CCDC77: variants seen among roughly 807,000 people sequenced by gnomAD.
CCDC77 encodes the protein coiled-coil domain containing 77.
A neutral mutation model predicts 66.8 loss-of-function variants in CCDC77; 56 were observed. That is an observed-to-expected ratio of 0.84 (90% CI 0.68 to 1.05). The LOEUF is 1.05. Ranked by LOEUF, CCDC77 falls within the 50% of genes least tolerant of loss-of-function variation. The probability of loss-of-function intolerance (pLI) is 0.00; values close to 1 mark genes in which losing one functional copy is unlikely to be tolerated. For synonymous variants in CCDC77, 196 were observed against 195.2 expected (o/e 1.00, Z -0.03); for missense variants, 570 against 576.8 (o/e 0.99, Z 0.12).
At chr12:396,083 T>A (rs1042967861) in intron 1 of CCDC77, among the ~76,000 whole-genome samples, 1 of 151,940 alleles carries the variant, frequency 6.6e-6, no homozygotes. Context: ...ATAAATACAT[T>A]TTGAAATTTA....
intron 4 of CCDC77, among the ~76,000 whole-genome samples, chr12:417,845 T>G (rs1945317088): frequency 6.6e-6 from 1 of 151,810 alleles, no homozygotes; most frequent in African/African-American, 2.4e-5. Context: ...GAGGTTGCAG[T>G]GAGCTAAGAT....
chr12:441,835 A>G lies in CCDC77; in HGVS notation c.1382A>G (p.Asn461Ser), dbSNP rs754612464. Residue 461 changes from asparagine to serine, a missense_variant, in exon 13 of 13, where the codon AAT (asparagine) becomes AGT (serine). By Grantham distance (46) the Asn-to-Ser change is conservative. Transcript: ENST00000239830. ...LALLCEVRDSNRRAHKIQGEL... is the reference protein window; with the variant it reads ...LALLCEVRDSSRRAHKIQGEL... ...CTTCTGTGTGAGGTCCGTGACAGCA[A>G]TAGACGGGCACATAAGATACAAGGA... 9 of 1,613,750 alleles carry G rather than the reference A, an allele frequency of 5.6e-6. 1 individual carries two copies. In the South Asian group the frequency reaches 9.9e-5, roughly 18 times the overall value.
upstream of CCDC77, among the ~76,000 whole-genome samples, chr12:398,729 G>A (rs2137526537): frequency 6.6e-6 from 1 of 150,438 alleles, no homozygotes; most frequent in Non-Finnish European, 1.5e-5. Flanking sequence ...AGTCACAAAT[G>A]TTCTTTTTAA....
At chr12:415,399 C>T (rs149502822) in intron 4 of CCDC77, among the ~76,000 whole-genome samples, 2,107 of 69,120 alleles carry the variant, frequency 0.03, 292 homozygotes, top group African/African-American at 0.09. Flanking sequence ...TTAATATAAT[C>T]AACATAATAT....
intron 5 of CCDC77, among the ~76,000 whole-genome samples, chr12:426,282 G>A (rs1945530301): frequency 6.6e-6 from 1 of 152,190 alleles, no homozygotes; most frequent in Non-Finnish European, 1.5e-5. Context: ...CTTTTGAGGG[G>A]TAGGAAAGAA....
In CCDC77 at chr12:441,859, G is replaced by A; in HGVS notation, c.1406G>A (p.Gly469Glu). 1 of 1,613,876 alleles carries A rather than the reference G, an allele frequency of 6.2e-7. No homozygotes were observed. The highest frequency in any genetic ancestry group is 8.5e-7 in the Non-Finnish European group (1 of 1,179,990). ...DSNRRAHKIQGELKNLKSKVF... is the reference protein window; with the variant it reads ...DSNRRAHKIQEELKNLKSKVF... ...AATAGACGGGCACATAAGATACAAG[G>A]AGAACTGAAGAATCTTAAGTCGAAA... The change falls in exon 13 of 13, where the codon GGA becomes GAA. Residue 469 changes from glycine (G) to glutamate (E), a missense_variant. Physicochemically the swap from Gly to Glu is moderately conservative, Grantham distance 98. Coordinates refer to ENST00000239830, the MANE Select transcript of CCDC77 (RefSeq NM_032358.4).
chr12:409,517 C>T, intron 3 of CCDC77, 96 bp downstream of exon 3: 1 of 1,217,872 alleles, frequency 8.2e-7, no homozygotes, highest in South Asian at 1.3e-5. Flanking sequence ...AAACATATTT[C>T]CTAAAGTTTT....
chr12:433,259 A>C lies in CCDC77; in HGVS notation c.758A>C (p.His253Pro). 1.2e-6 allele frequency: 2 copies of C among 1,614,098 alleles called. No individual in the cohort carries two copies. Among genetic ancestry groups the C allele is most frequent in the Non-Finnish European group, 1.7e-6 (2 of 1,180,022 alleles). ...GGGCTCATCGAGGACAGACGGATTC[A>C]CCTTGAGGAAATACAAGTTCAGCAC... Reference protein sequence around the residue: ...IEGLIEDRRIHLEEIQVQHQR... With the variant: ...IEGLIEDRRIPLEEIQVQHQR... The change falls in exon 9 of 13, where the codon CAC becomes CCC. Residue 253 changes from histidine to proline, a missense_variant. Coordinates refer to ENST00000239830, the MANE Select transcript of CCDC77 (RefSeq NM_032358.4).
chr12:430,944 G>A (rs11062943), intron 7 of CCDC77, among the ~76,000 whole-genome samples: 47,968 of 151,716 alleles, frequency 0.32, 9,545 homozygotes, highest in Non-Finnish European at 0.45. Context: ...GCCGGGTGTG[G>A]TGGCAGGCGC....
chr12:419,254 G>C (rs917286967), intron 5 of CCDC77, among the ~76,000 whole-genome samples: 1 of 152,202 alleles, frequency 6.6e-6, no homozygotes, highest in Non-Finnish European at 1.5e-5. Flanking sequence ...AGAATTTTGT[G>C]TCCCCACATT....
At chr12:441,060 G>C (rs1165754424) in intron 12 of CCDC77, 64 bp downstream of exon 12, 1 of 1,533,134 alleles carries the variant, frequency 6.5e-7, no homozygotes, top group Non-Finnish European at 8.9e-7. Flanking sequence ...ACATGGTCAC[G>C]AGGGCCCCTG....
chr12:418,726 G>T, intron 5 of CCDC77, 90 bp downstream of exon 5: 1 of 1,402,404 alleles, frequency 7.1e-7, no homozygotes. Context: ...TTTAGAGGCA[G>T]TATCACTCTA....
chr12:416,325 GAGTC>G lies in CCDC77; in HGVS notation c.271-2168_271-2165del, dbSNP rs1349648045. ...AGTGTTTATGTGTGTGTGTGTGTGTGAGTCTGTGGGTGTGTGGGGGTGTGTGTGT... is the reference window on the plus strand; with the variant it reads ...AGTGTTTATGTGTGTGTGTGTGTGTGTGTGGGTGTGTGGGGGTGTGTGTGT... On this transcript the variant is annotated intron_variant, in intron 4 of 12. Transcript: ENST00000239830. 1.4e-3 allele frequency among the ~76,000 whole-genome samples: 120 copies of G among 87,918 alleles called. 5 individuals are homozygous for G. The highest frequency in any genetic ancestry group is 0.012 in the South Asian group (27 of 2,204). The allele number at this position is 87,918 out of a possible 152,430, so 57.7% of individuals were successfully genotyped here.
At chr12:411,600 G>T (rs1265690141) in intron 3 of CCDC77, 147 bp from the exon 4 acceptor site, 8 of 647,060 alleles carry the variant, frequency 1.2e-5, no homozygotes, top group Non-Finnish European at 1.8e-5. Flanking sequence ...TTACAGGCAT[G>T]AGCCACTATG....
intron 9 of CCDC77, among the ~76,000 whole-genome samples, chr12:433,651 C>CAA (rs74643579): frequency 9.1e-5 from 11 of 121,378 alleles, no homozygotes; most frequent in East Asian, 4.7e-4. Flanking sequence ...GACCCTGTCT[C>CAA]AAAAAAAAAA....
At chr12:414,518 A>G (rs1348597316) in intron 4 of CCDC77, among the ~76,000 whole-genome samples, 1 of 152,036 alleles carries the variant, frequency 6.6e-6, no homozygotes, top group Non-Finnish European at 1.5e-5. Context: ...ACTATAAATG[A>G]CCTTGTTTTA....
At chr12:404,461 G>C (rs1944955349) in intron 1 of CCDC77, among the ~76,000 whole-genome samples, 1 of 152,284 alleles carries the variant, frequency 6.6e-6, no homozygotes, top group East Asian at 1.9e-4. Context: ...TAAGAGCTTG[G>C]TTAGATGTCA....
intron 9 of CCDC77, among the ~76,000 whole-genome samples, chr12:434,599 G>A (rs948215257): frequency 1.3e-5 from 2 of 152,062 alleles, no homozygotes; most frequent in African/African-American, 2.4e-5. Context: ...TGGTCCACCC[G>A]CCTCAGCCTC....
At position 409,030 on chromosome 12, in the gene CCDC77, C is replaced by G. The variant is rs1397460939; in HGVS notation, c.-16-338C>G. On this transcript the variant is annotated intron_variant, in intron 2 of 12. Coordinates refer to ENST00000239830, the MANE Select transcript of CCDC77 (RefSeq NM_032358.4). ...ACCAGCCTGGCCAATATGGTGAAAC[C>G]CTGTCTCTACTAAAAATAACAAAAA... 5.9e-5 allele frequency among the ~76,000 whole-genome samples: 9 copies of G among 151,792 alleles called. 1 individual carries two copies. Among genetic ancestry groups the G allele is most frequent in the African/African-American group, 2.2e-4 (9 of 41,312 alleles).
Sources: gnomAD v4.1 joint callset for allele counts (sites outside exome capture counted in the v4.1 genomes callset) on GRCh38, gnomAD v4.1.1 for gene constraint, MANE v1.5 for transcripts, NCBI Gene and HGNC (gene_info 2026-07-23, HGNC 2026-07-21) for gene names.